The following CLTCL1 variants were observed in gnomAD, a reference collection of about 807,000 sequenced individuals.
CLTCL1 encodes clathrin heavy chain 2.
In CLTCL1, 159 loss-of-function variants were observed where a neutral mutation model predicts 190.0. That is an observed-to-expected ratio of 0.84 (90% CI 0.74 to 0.95). The LOEUF (loss-of-function observed/expected upper bound fraction) is 0.95. Among genes scored for constraint, CLTCL1 ranks in the 40% least tolerant of loss-of-function variants. The pLI, the probability that CLTCL1 is intolerant of heterozygous loss-of-function variation, is 0.00. For synonymous variants in CLTCL1, 752 were observed against 769.6 expected, an observed-to-expected ratio of 0.98 and a Z score of 0.38; for missense variants, 1,878 against 2,033.4, an observed-to-expected ratio of 0.92 and a Z score of 1.47.
At chr22:19,280,806 G>A (rs1385072621) in intron 1 of CLTCL1, among the ~76,000 whole-genome samples, 10 of 125,054 alleles carry the variant, frequency 8.0e-5, no homozygotes, top group African/African-American at 1.8e-4. Context: ...GCAACAGAGC[G>A]AGACTCCATC....
At position 19,191,314 on chromosome 22, in the gene CLTCL1, AAACT is replaced by A; in HGVS notation, c.4309_4312del (p.Phe1439GlnfsTer9). 6.2e-7 allele frequency: 1 copy of A among 1,614,038 alleles called. No homozygotes were observed. The highest frequency in any genetic ancestry group is 1.1e-5 in the South Asian group (1 of 91,084). The stretch of plus-strand genomic sequence containing the variant: ...TTTTGGTTGACTCACCTTTGAAAAG[AAACT>A]GACTGTCCAGGTGTGGTCCAGCCGG... On this transcript the variant is annotated frameshift_variant, in exon 27 of 33. Coordinates refer to ENST00000427926, the MANE Select transcript of CLTCL1 (RefSeq NM_007098.4). LOFTEE classifies it high-confidence loss of function.
intron 29 of CLTCL1, among the ~76,000 whole-genome samples, chr22:19,186,411 C>T (rs2084316335): frequency 6.6e-6 from 1 of 151,972 alleles, no homozygotes; most frequent in Non-Finnish European, 1.5e-5. Flanking sequence ...GGCAGCCCAA[C>T]CTGTCTAGCT....
intron 18 of CLTCL1, among the ~76,000 whole-genome samples, chr22:19,219,569 C>T (rs935113182): frequency 2.0e-5 from 3 of 151,976 alleles, no homozygotes; most frequent in Non-Finnish European, 4.4e-5. Flanking sequence ...CTGCAACCTC[C>T]ACCCCCTGGG....
intron 2 of CLTCL1, chr22:19,257,815 T>C: frequency 7.0e-7 from 1 of 1,428,054 alleles, no homozygotes; most frequent in Non-Finnish European, 9.3e-7. Flanking sequence ...CTGGACAGAG[T>C]GAGGAGCCTG....
At chr22:19,252,118 A>G (rs151089065) in intron 3 of CLTCL1, among the ~76,000 whole-genome samples, 424 of 152,264 alleles carry the variant, frequency 2.8e-3, no homozygotes, top group African/African-American at 9.5e-3. Context: ...ACATGTCTCT[A>G]TTCCAGAACA....
At position 19,280,533 on chromosome 22, in the gene CLTCL1, C is replaced by A. The variant is rs201050811; in HGVS notation, c.43-4703G>T. On this transcript the variant is annotated intron_variant, in intron 1 of 32. Coordinates refer to ENST00000427926, the MANE Select transcript of CLTCL1 (RefSeq NM_007098.4). ...GGTCATTATGCTAAGTAAAAAAAAA[C>A]CAAGGTCTGGTGAGATGGCTCACGC... is the stretch of plus-strand genomic sequence containing the variant. 2.1e-4 allele frequency among the ~76,000 whole-genome samples: 32 copies of A among 151,878 alleles called. No homozygotes were observed. The East Asian group carries it at 4.7e-3, about 22-fold the overall frequency.
chr22:19,191,206 G>T, intron 27 of CLTCL1, 98 bp downstream of exon 27: 1 of 1,442,516 alleles, frequency 6.9e-7, no homozygotes, highest in Non-Finnish European at 9.5e-7. Context: ...GTCAGCTGGG[G>T]GTCATTTCAA....
chr22:19,185,381 C>G (rs1439962780), intron 29 of CLTCL1, among the ~76,000 whole-genome samples: 3 of 149,006 alleles, frequency 2.0e-5, no homozygotes, highest in South Asian at 2.1e-4. Context: ...GGCTGGAGTG[C>G]AGTGGCGTGA....
intron 2 of CLTCL1, among the ~76,000 whole-genome samples, chr22:19,259,740 A>T (rs1348472360): frequency 3.9e-5 from 6 of 152,140 alleles, no homozygotes; most frequent in African/African-American, 1.4e-4. Flanking sequence ...AGACACAACA[A>T]TATTGAAATT....
intron 5 of CLTCL1, among the ~76,000 whole-genome samples, chr22:19,238,961 T>G (rs1334341214): frequency 6.6e-6 from 1 of 152,226 alleles, no homozygotes; most frequent in Non-Finnish European, 1.5e-5. Context: ...ATTAGGTATT[T>G]TATTCTTTAA....
At chr22:19,255,082 T>C (rs912320642) in intron 2 of CLTCL1, among the ~76,000 whole-genome samples, 1 of 152,172 alleles carries the variant, frequency 6.6e-6, no homozygotes, top group Non-Finnish European at 1.5e-5. Context: ...GAGAATAACA[T>C]AGCTGGTGTG....
chr22:19,270,484 T>G (rs1489203022), intron 2 of CLTCL1, among the ~76,000 whole-genome samples: 1 of 150,130 alleles, frequency 6.7e-6, no homozygotes, highest in Non-Finnish European at 1.5e-5. Context: ...TCCCAGCACT[T>G]TGGGAGGCTG....
At chr22:19,211,017 G>A (rs2085202794) in intron 19 of CLTCL1, among the ~76,000 whole-genome samples, 1 of 152,050 alleles carries the variant, frequency 6.6e-6, no homozygotes, top group Non-Finnish European at 1.5e-5. Flanking sequence ...ACAGGTGTGA[G>A]CCACCACACC....
chr22:19,213,987 G>T (rs145221696), intron 19 of CLTCL1, among the ~76,000 whole-genome samples: 318 of 152,304 alleles, frequency 2.1e-3, no homozygotes, highest in African/African-American at 7.3e-3. Flanking sequence ...GGTCATCCAT[G>T]TACAGTGTTC....
At chr22:19,222,307 G>A (rs1440397216) in intron 15 of CLTCL1, among the ~76,000 whole-genome samples, 1 of 152,124 alleles carries the variant, frequency 6.6e-6, no homozygotes, top group African/African-American at 2.4e-5. Context: ...TCAAGGGTGG[G>A]GCCCTAATGT....
chr22:19,180,122 A>T, intron 32 of CLTCL1, 77 bp downstream of exon 32: 1 of 1,292,084 alleles, frequency 7.7e-7, no homozygotes. Flanking sequence ...GCAGGCATCC[A>T]GAGGCAAGGA....
intron 21 of CLTCL1, 89 bp downstream of exon 21, chr22:19,208,833 G>T: frequency 9.2e-7 from 1 of 1,086,750 alleles, no homozygotes; most frequent in South Asian, 1.7e-5. Flanking sequence ...ATCATACGTA[G>T]AGATTTGTGA....
At chr22:19,288,988 G>A (rs782821159) in intron 1 of CLTCL1, among the ~76,000 whole-genome samples, 2 of 152,166 alleles carry the variant, frequency 1.3e-5, no homozygotes, top group Non-Finnish European at 2.9e-5. Context: ...CTAGCTCATC[G>A]CATCTTATTT....
intron 24 of CLTCL1, among the ~76,000 whole-genome samples, 170 bp downstream of exon 24, chr22:19,199,564 T>G (rs1344015196): frequency 6.6e-6 from 1 of 152,206 alleles, no homozygotes; most frequent in Non-Finnish European, 1.5e-5. Flanking sequence ...GGCAATTGAA[T>G]TTAGTTCATA....
Sources: allele counts gnomAD v4.1 joint callset (sites outside exome capture counted in the v4.1 genomes callset), GRCh38; gene constraint gnomAD v4.1.1; transcripts MANE v1.5; gene names NCBI Gene and HGNC (gene_info 2026-07-23, HGNC 2026-07-21).